Variants in NAALADL2 observed in about 807,000 individuals in gnomAD.
The protein encoded by NAALADL2 is inactive N-acetylated-alpha-linked acidic dipeptidase-like protein 2.
In NAALADL2, 76 loss-of-function variants were observed where a neutral mutation model predicts 87.2. That is an observed-to-expected ratio of 0.87 (90% CI 0.72 to 1.05). The LOEUF is 1.05. Ranked by LOEUF, NAALADL2 falls within the 50% of genes least tolerant of loss-of-function variation. The pLI, the probability that NAALADL2 is intolerant of heterozygous loss-of-function variation, is 0.00. For missense variants in NAALADL2, 1,089 were observed against 945.8 expected, an observed-to-expected ratio of 1.15 and a Z score of -1.99; for synonymous variants, 354 against 331.0, an observed-to-expected ratio of 1.07 and a Z score of -0.75.
rs1280745984 is a variant in NAALADL2 at position 175,565,822 on chromosome 3, C to CT, written c.1654-10219_1654-10218insT. ...CTATGTCCAAACAAAAAACAAAAGC[C>CT]CCCCCCCTTTTTTTTTTTTTTTTTT... On this transcript the variant is annotated intron_variant, in intron 9 of 13. Transcript: ENST00000454872. Among the ~76,000 whole-genome samples the CT allele has an allele frequency of 6.0e-5, 8 of 133,032 alleles. No individual in the cohort carries two copies. The East Asian group carries it at 1.5e-3, about 25-fold the overall frequency. 87.3% of individuals were successfully genotyped at this position (133,032 alleles called of 152,430 possible).
chr3:175,453,529 C>G (rs1033437502), intron 6 of NAALADL2, among the ~76,000 whole-genome samples: 1 of 152,088 alleles, frequency 6.6e-6, no homozygotes, highest in South Asian at 2.1e-4. Context: ...TTGGACGTAG[C>G]CTCTCTTTAT....
intron 2 of NAALADL2, among the ~76,000 whole-genome samples, chr3:174,660,866 T>G (rs185323050): frequency 3.6e-4 from 55 of 152,250 alleles, no homozygotes; most frequent in African/African-American, 1.3e-3. Context: ...ATAAATATAA[T>G]TAGTTTGTCC....
chr3:174,879,140 T>G (rs974039901), intron 1 of NAALADL2, among the ~76,000 whole-genome samples: 1 of 152,120 alleles, frequency 6.6e-6, no homozygotes, highest in Non-Finnish European at 1.5e-5. Context: ...GGTATTTTTT[T>G]CGTACCTAAA....
intron 5 of NAALADL2, among the ~76,000 whole-genome samples, chr3:175,391,979 C>T (rs536285884): frequency 6.6e-6 from 1 of 152,086 alleles, no homozygotes; most frequent in African/African-American, 2.4e-5. Flanking sequence ...TCGCAACCTC[C>T]CTATGAGGTA....
intron 1 of NAALADL2, among the ~76,000 whole-genome samples, chr3:174,920,555 G>T (rs916899564): frequency 2.0e-5 from 3 of 152,224 alleles, no homozygotes; most frequent in Non-Finnish European, 4.4e-5. Context: ...TGGACTAAGG[G>T]AATGCTGTGG....
chr3:175,416,406 A>G (rs187451535), intron 5 of NAALADL2, among the ~76,000 whole-genome samples: 13 of 152,266 alleles, frequency 8.5e-5, no homozygotes, highest in Admixed American at 7.2e-4. Flanking sequence ...TTGCATTCTG[A>G]AGACTGCTAT....
intron 1 of NAALADL2, among the ~76,000 whole-genome samples, chr3:174,514,174 C>T (rs1468023170): frequency 6.6e-6 from 1 of 152,170 alleles, no homozygotes; most frequent in East Asian, 1.9e-4. Context: ...AATGAATTTT[C>T]CACCCAGTAC....
chr3:175,132,809 G>T (rs1302939947), intron 2 of NAALADL2, among the ~76,000 whole-genome samples: 4 of 151,716 alleles, frequency 2.6e-5, no homozygotes, highest in Non-Finnish European at 4.4e-5. Context: ...CCTCCCGGAC[G>T]GGATGGCTGC....
rs186037325 is a variant in NAALADL2 at position 175,237,443 on chromosome 3, T to C, written c.819+3239T>C. On this transcript the variant is annotated intron_variant, in intron 3 of 13. Coordinates refer to ENST00000454872, the MANE Select transcript of NAALADL2 (RefSeq NM_207015.3). ...TTTCAAATCATCAGACCTTAGAAACTAGAAATGTGAATTCGCAGGATACCG... is the reference window on the plus strand; with the variant it reads ...TTTCAAATCATCAGACCTTAGAAACCAGAAATGTGAATTCGCAGGATACCG... Among the ~76,000 whole-genome samples the C allele has an allele frequency of 2.0e-4, 31 of 152,252 alleles. No homozygotes were observed. The East Asian group carries it at 5.4e-3, about 27-fold the overall frequency.
At chr3:175,285,708 TA>T (rs1196291383) in intron 4 of NAALADL2, among the ~76,000 whole-genome samples, 1 of 152,180 alleles carries the variant, frequency 6.6e-6, no homozygotes, top group Non-Finnish European at 1.5e-5. Flanking sequence ...TATCATATTT[TA>T]TAAACCGTGC....
intron 2 of NAALADL2, among the ~76,000 whole-genome samples, chr3:175,121,043 G>A (rs1254125477): frequency 6.6e-6 from 1 of 151,594 alleles, no homozygotes; most frequent in Admixed American, 6.6e-5. Context: ...CCTTTTAAGT[G>A]GTATCCTACA....
At chr3:174,591,330 C>T (rs912372157) in intron 2 of NAALADL2, among the ~76,000 whole-genome samples, 14 of 152,062 alleles carry the variant, frequency 9.2e-5, no homozygotes, top group African/African-American at 2.9e-4. Flanking sequence ...TAGAAAAGAA[C>T]GGTGCATGTT....
At chr3:174,759,307 C>T (rs1195046067) in intron 3 of NAALADL2, among the ~76,000 whole-genome samples, 1 of 152,124 alleles carries the variant, frequency 6.6e-6, no homozygotes, top group East Asian at 1.9e-4. Context: ...ATCATGTACC[C>T]TTTTCACAAT....
intron 3 of NAALADL2, among the ~76,000 whole-genome samples, chr3:174,837,969 T>C (rs1446856687): frequency 1.4e-5 from 2 of 139,764 alleles, no homozygotes; most frequent in Non-Finnish European, 1.5e-5. Context: ...ATTGATTCTA[T>C]GAAGCCAGTA....
At chr3:174,759,901 A>AT (rs1712684730) in intron 3 of NAALADL2, among the ~76,000 whole-genome samples, 1 of 151,990 alleles carries the variant, frequency 6.6e-6, no homozygotes, top group South Asian at 2.1e-4. Flanking sequence ...GGGTTTTGCC[A>AT]TGTTGGCCAG....
At chr3:174,832,540 C>A (rs1219175046) in intron 3 of NAALADL2, among the ~76,000 whole-genome samples, 1 of 152,118 alleles carries the variant, frequency 6.6e-6, no homozygotes, top group African/African-American at 2.4e-5. Context: ...CAGCTCACTG[C>A]AAGCTCTGCC....
intron 11 of NAALADL2, among the ~76,000 whole-genome samples, chr3:175,711,671 T>G (rs1429453015): frequency 6.6e-6 from 1 of 151,926 alleles, no homozygotes; most frequent in Non-Finnish European, 1.5e-5. Flanking sequence ...TAAAATGTAT[T>G]TTTATTTTAA....
chr3:174,715,232 C>A lies in NAALADL2; in HGVS notation c.-114-22409C>A, dbSNP rs534929682. Among the ~76,000 whole-genome samples the A allele has an allele frequency of 2.0e-5, 3 of 152,094 alleles. No individual in the cohort carries two copies. In the South Asian group the frequency reaches 6.2e-4, roughly 32 times the overall value. On this transcript the variant is annotated intron_variant, in intron 2 of 3. Transcript: ENST00000434257. The stretch of plus-strand genomic sequence containing the variant: ...TATACCTTCCAACTATTTTTTTAGG[C>A]TAGTTCTTTTAGATATCTAGGCACA...
chr3:175,069,786 G>C (rs201885605), intron 1 of NAALADL2, among the ~76,000 whole-genome samples: 24,031 of 150,692 alleles, frequency 0.16, 2,593 homozygotes, highest in African/African-American at 0.3. Context: ...TGATAGACTG[G>C]ATTAAGAAAA....
Sources: allele counts gnomAD v4.1 joint callset (sites outside exome capture counted in the v4.1 genomes callset), GRCh38; gene constraint gnomAD v4.1.1; transcripts MANE v1.5; gene names NCBI Gene and HGNC (gene_info 2026-07-23, HGNC 2026-07-21).